EPDR1: variants seen among roughly 807,000 people sequenced by gnomAD.
EPDR1 encodes mammalian ependymin-related protein 1.
In EPDR1, 27 loss-of-function variants were observed where a neutral mutation model predicts 23.7. The observed-to-expected ratio is 1.14, with a 90% CI of 0.84 to 1.57. EPDR1 has a LOEUF of 1.57. Among genes scored for constraint, EPDR1 ranks in the 40% most tolerant of loss-of-function variants. The pLI, the probability that EPDR1 is intolerant of heterozygous loss-of-function variation, is 0.00. For synonymous variants in EPDR1, 137 were observed against 118.2 expected, an observed-to-expected ratio of 1.16 and a Z score of -1.03; for missense variants, 349 against 290.4, an observed-to-expected ratio of 1.20 and a Z score of -1.47.
At chr7:37,927,653 C>T (rs1785845148) in intron 1 of EPDR1, among the ~76,000 whole-genome samples, 1 of 152,130 alleles carries the variant, frequency 6.6e-6, no homozygotes, top group Non-Finnish European at 1.5e-5. Context: ...TACAAATCCT[C>T]AGAGGGTGTT....
chr7:37,921,243 A>G (rs1481013768), intron 1 of EPDR1, 35 bp downstream of exon 1: 2 of 1,552,732 alleles, frequency 1.3e-6, no homozygotes, highest in African/African-American at 2.8e-5. Context: ...GGGAGTAGGG[A>G]GCCGCGCGGG....
At chr7:37,945,112 A>T (rs951887934) in intron 1 of EPDR1, among the ~76,000 whole-genome samples, 1 of 152,180 alleles carries the variant, frequency 6.6e-6, no homozygotes, top group Non-Finnish European at 1.5e-5. Context: ...CAAATGAACA[A>T]TGCTCTAAGA....
chr7:37,947,869 C>A (rs758058652), intron 1 of EPDR1, among the ~76,000 whole-genome samples: 1 of 152,136 alleles, frequency 6.6e-6, no homozygotes, highest in Non-Finnish European at 1.5e-5. Flanking sequence ...CCTGTCACTC[C>A]CCAGGAAGGG....
chr7:37,926,478 C>A (rs1414767964), intron 1 of EPDR1, among the ~76,000 whole-genome samples: 179 of 120,428 alleles, frequency 1.5e-3, no homozygotes, highest in Admixed American at 2.3e-3. Flanking sequence ...TTCTTCATAG[C>A]AAAAAAAAAA....
intron 1 of EPDR1, among the ~76,000 whole-genome samples, chr7:37,940,742 AG>A (rs959616128): frequency 1.1e-4 from 16 of 152,152 alleles, no homozygotes; most frequent in Admixed American, 2.0e-4. Flanking sequence ...TACAAAAAAT[AG>A]GGGGGAAAAC....
intron 1 of EPDR1, among the ~76,000 whole-genome samples, chr7:37,936,781 T>C (rs78903323): frequency 0.036 from 5,509 of 152,156 alleles, 333 homozygotes; most frequent in African/African-American, 0.12. Context: ...AAACCTTGTA[T>C]AGGAAAAAAT....
At chr7:37,939,873 G>A (rs553080073) in intron 1 of EPDR1, among the ~76,000 whole-genome samples, 2 of 152,296 alleles carry the variant, frequency 1.3e-5, no homozygotes, top group South Asian at 4.1e-4. Context: ...GTACAACCCT[G>A]TGGAGAGAAA....
intron 1 of EPDR1, among the ~76,000 whole-genome samples, chr7:37,934,418 G>C (rs982936837): frequency 1.3e-5 from 2 of 151,800 alleles, no homozygotes; most frequent in Non-Finnish European, 2.9e-5. Context: ...GAAGGGAGTA[G>C]CTTCCCTAGA....
chr7:37,949,119 G>A, intron 2 of EPDR1, 71 bp downstream of exon 2: 1 of 1,473,594 alleles, frequency 6.8e-7, no homozygotes, highest in Non-Finnish European at 9.3e-7. Flanking sequence ...GTCCTTTAAG[G>A]AAGGTAGTTT....
Position 37,921,122 on chromosome 7 carries a change from C to T in EPDR1, c.183C>T (p.Arg61=), listed in dbSNP as rs1049910989. 1.3e-6 allele frequency: 2 copies of T among 1,594,732 alleles called. No individual in the cohort carries two copies. Among genetic ancestry groups the T allele is most frequent in the Middle Eastern group, 1.7e-4 (1 of 5,932 alleles). The change falls in exon 1 of 3, where the codon CGC becomes CGT. Residue 61 remains arginine, a synonymous_variant. Coordinates refer to ENST00000199448, the MANE Select transcript of EPDR1 (RefSeq NM_017549.5). ...TTATGTACCAGCAAAGTAGCGGGCG[C>T]AACAGCCGCGCCCTGCTCTCCTACG... is the stretch of plus-strand genomic sequence containing the variant. ...RQVMYQQSSG[R]NSRALLSYDG...
In EPDR1 at chr7:37,950,773, G is replaced by C. The variant is rs1036188524; in HGVS notation, c.*377G>C. 3.6e-5 allele frequency: 6 copies of C among 168,622 alleles called. No homozygotes were observed. Among genetic ancestry groups the C allele is most frequent in the Admixed American group, 2.5e-4 (4 of 16,038 alleles). The allele number at this position is 168,622 out of a possible 1,614,324, so 10.4% of individuals were successfully genotyped here. A position where few individuals can be genotyped will look rare whatever the true frequency, so the allele number is the denominator to read the frequency against. On this transcript the variant is annotated 3_prime_UTR_variant, in exon 3 of 3. Transcript: ENST00000199448. The stretch of plus-strand genomic sequence containing the variant: ...AAGTATTTATTGTTGACATTATTCA[G>C]AATTAGTGATAATAAAAAGCAGAGT...
chr7:37,950,421 A>G lies in EPDR1; in HGVS notation c.*25A>G. ...AGCCTGTGCATAGGGAAGCGGCAGC[A>G]TCGGATGTCAGCCCCCTGCGGCCCC... On this transcript the variant is annotated 3_prime_UTR_variant, in exon 3 of 3. Coordinates refer to ENST00000199448, the MANE Select transcript of EPDR1 (RefSeq NM_017549.5). 1 of 1,583,624 alleles carries G rather than the reference A, an allele frequency of 6.3e-7. No individual in the cohort carries two copies. Among genetic ancestry groups the G allele is most frequent in the East Asian group, 2.3e-5 (1 of 43,778 alleles).
chr7:37,941,175 T>G (rs765127894), intron 1 of EPDR1, among the ~76,000 whole-genome samples: 27 of 152,236 alleles, frequency 1.8e-4, no homozygotes, highest in Non-Finnish European at 1.5e-5. Flanking sequence ...AGAGTGGTAC[T>G]CAATAGACTA....
chr7:37,932,365 G>A (rs1049784734), intron 1 of EPDR1, among the ~76,000 whole-genome samples: 2 of 151,988 alleles, frequency 1.3e-5, no homozygotes, highest in Non-Finnish European at 2.9e-5. Flanking sequence ...TCAAACTCCT[G>A]GGCTCAAGTG....
At chr7:37,935,214 G>T (rs1487080041) in intron 1 of EPDR1, among the ~76,000 whole-genome samples, 1 of 152,130 alleles carries the variant, frequency 6.6e-6, no homozygotes, top group African/African-American at 2.4e-5. Context: ...CCTCTATATT[G>T]AGAGACAGAC....
At position 37,943,906 on chromosome 7, in the gene EPDR1, C is replaced by T. The variant is rs1430362597; in HGVS notation, c.270-4934C>T. On this transcript the variant is annotated intron_variant, in intron 1 of 2. Transcript: ENST00000199448. ...TGAAGCTGTGAGTGTTCCCTCCCTG[C>T]TGTCCCCTGCCCTTCTGTTGCAGGT... is the stretch of plus-strand genomic sequence containing the variant. Among the ~76,000 whole-genome samples, 4 of 152,202 alleles carry T rather than the reference C, an allele frequency of 2.6e-5. No individual in the cohort carries two copies. In the East Asian group the frequency reaches 5.8e-4, roughly 22 times the overall value.
rs1786381465 is a variant in EPDR1, at chr7:37,950,500, T to C, written c.*104T>C. 1.8e-6 allele frequency: 2 copies of C among 1,098,378 alleles called. No homozygotes were observed. The highest frequency in any genetic ancestry group is 2.6e-6 in the Non-Finnish European group (2 of 782,210). 68.0% of individuals were successfully genotyped at this position (1,098,378 alleles called of 1,614,324 possible). A position where few individuals can be genotyped will look rare whatever the true frequency, so the allele number is the denominator to read the frequency against. ...GATGTGAATGCTAATTGGAGAGAAA[T>C]ATAATTTTAGGAAGATGCACATTGA... On this transcript the variant is annotated 3_prime_UTR_variant, in exon 3 of 3. Transcript: ENST00000199448.
rs1055528417 is a variant in EPDR1 at position 37,950,724 on chromosome 7, G to A, written c.*328G>A. 2 of 226,744 alleles carry A rather than the reference G, an allele frequency of 8.8e-6. No individual in the cohort carries two copies. Among genetic ancestry groups the A allele is most frequent in the African/African-American group, 4.5e-5 (2 of 44,342 alleles). The allele number at this position is 226,744 out of a possible 1,614,324, so 14.0% of individuals were successfully genotyped here. ...GTGCCATGCACATAGGGAAGGGTCA[G>A]TAAGAGAAGTTTGCCTTGGCAGCAA... is the stretch of plus-strand genomic sequence containing the variant. On this transcript the variant is annotated 3_prime_UTR_variant, in exon 3 of 3. Coordinates refer to ENST00000199448, the MANE Select transcript of EPDR1 (RefSeq NM_017549.5).
chr7:37,936,348 G>C lies in EPDR1; in HGVS notation c.270-12492G>C, dbSNP rs563468526. 2.0e-5 allele frequency among the ~76,000 whole-genome samples: 3 copies of C among 152,058 alleles called. No individual in the cohort carries two copies. In the South Asian group the frequency reaches 6.2e-4, roughly 32 times the overall value. The stretch of plus-strand genomic sequence containing the variant: ...AACTGATGGATGCTTCTTTAACATA[G>C]CACAACCTGTGTAGTTCTTAATTTA... On this transcript the variant is annotated intron_variant, in intron 1 of 2. Coordinates refer to ENST00000199448, the MANE Select transcript of EPDR1 (RefSeq NM_017549.5).
Sources: allele counts gnomAD v4.1 joint callset (sites outside exome capture counted in the v4.1 genomes callset), GRCh38; gene constraint gnomAD v4.1.1; transcripts MANE v1.5; gene names NCBI Gene and HGNC (gene_info 2026-07-23, HGNC 2026-07-21).